Variants in CCDC190 observed in about 807,000 individuals in gnomAD.
CCDC190 encodes coiled-coil domain-containing protein 190.
CCDC190 carries 10 observed loss-of-function variants against 13.1 expected under a neutral mutation model. The ratio of observed to expected loss-of-function variants is 0.77; its 90% confidence interval spans 0.47 to 1.30. CCDC190 has a LOEUF of 1.30. Ranked by LOEUF, CCDC190 falls within the 50% of genes most tolerant of loss-of-function variation. The pLI, the probability that CCDC190 is intolerant of heterozygous loss-of-function variation, is 0.00. For missense variants in CCDC190, 375 were observed against 354.3 expected (o/e 1.06, Z -0.47); for synonymous variants, 136 against 127.2 (o/e 1.07, Z -0.47).
chr1:162,854,380 T>G lies in CCDC190; in HGVS notation c.*385A>C, dbSNP rs1246702445. Reference sequence around the variant, plus strand: ...TTCCTATTCCTACCACTACTATATATCAAACTAAAACAGAGAGAATAGCTA... The same window carrying G: ...TTCCTATTCCTACCACTACTATATAGCAAACTAAAACAGAGAGAATAGCTA... On this transcript the variant is annotated 3_prime_UTR_variant, in exon 4 of 4. Coordinates refer to ENST00000367912, the MANE Select transcript of CCDC190 (RefSeq NM_001394065.1). The G allele has an allele frequency of 9.8e-7, 1 of 1,019,574 alleles. No individual in the cohort carries two copies. The highest frequency in any genetic ancestry group is 1.7e-5 in the African/African-American group (1 of 58,072). 63.2% of individuals were successfully genotyped at this position (1,019,574 alleles called of 1,614,324 possible). A position where few individuals can be genotyped will look rare whatever the true frequency, so the allele number is the denominator to read the frequency against.
upstream of CCDC190, among the ~76,000 whole-genome samples, chr1:162,865,383 C>A (rs187529888): frequency 3.9e-5 from 6 of 152,158 alleles, no homozygotes; most frequent in East Asian, 1.2e-3. Context: ...CACTATCAAC[C>A]AACTTGACCT....
At chr1:162,859,184 G>A (rs190281136) in intron 2 of CCDC190, among the ~76,000 whole-genome samples, 32 of 152,306 alleles carry the variant, frequency 2.1e-4, no homozygotes, top group East Asian at 9.6e-4. Context: ...AGTAGAAAAC[G>A]AAGGATTTAA....
chr1:162,855,183 T>G lies in CCDC190; in HGVS notation c.488A>C (p.Asn163Thr). The G allele has an allele frequency of 6.2e-7, 1 of 1,613,990 alleles. No homozygotes were observed. The highest frequency in any genetic ancestry group is 1.1e-5 in the South Asian group (1 of 91,082). The change falls in exon 4 of 4, where the codon AAT becomes ACT. Residue 163 changes from asparagine to threonine, a missense_variant. Coordinates refer to ENST00000367912, the MANE Select transcript of CCDC190 (RefSeq NM_001394065.1). Reference protein sequence around the residue: ...QPQAQEKDSVNPSKDVDPSKG... With the variant: ...QPQAQEKDSVTPSKDVDPSKG... Reference sequence around the variant, plus strand: ...GCTGGGGTCTACGTCCTTAGATGGATTCACAGAATCTTTCTCTTGGGCTTG... The same window carrying G: ...GCTGGGGTCTACGTCCTTAGATGGAGTCACAGAATCTTTCTCTTGGGCTTG...
rs976901171 is a variant in CCDC190, at chr1:162,855,346, G to A, written c.325C>T (p.Arg109Cys). ...QAKKMRALAT[R>C]MAQDTCKSKS... ...CTTTTGCATGTGTCTTGGGCCATAC[G>A]GGTTGCCAATGCTCTGAGAAAGGAC... Residue 109 changes from arginine to cysteine, a missense_variant, in exon 4 of 4, where the codon CGT becomes TGT. Arg to Cys is a radical substitution (Grantham distance 180, BLOSUM62 -3). Transcript: ENST00000367912. The A allele has an allele frequency of 6.2e-6, 10 of 1,603,080 alleles. No homozygotes were observed. The highest frequency in any genetic ancestry group is 3.4e-5 in the Admixed American group (2 of 58,046).
At chr1:162,862,891 C>G (rs1459668929), upstream of CCDC190, among the ~76,000 whole-genome samples, 2 of 151,856 alleles carry the variant, frequency 1.3e-5, no homozygotes, top group Admixed American at 1.3e-4. Flanking sequence ...CATCTCCAAA[C>G]TTCCTGGAGT....
At chr1:162,856,909 T>G (rs1481017887) in intron 2 of CCDC190, among the ~76,000 whole-genome samples, 1 of 152,150 alleles carries the variant, frequency 6.6e-6, no homozygotes, top group South Asian at 2.1e-4. Context: ...TTGAGGGATT[T>G]TGAGCTACTT....
chr1:162,854,624 G>T lies in CCDC190; in HGVS notation c.*141C>A, dbSNP rs1427799024. ...TTCATTCAAGAAATATTATATTCCC[G>T]GAAAATAATAGGGAGTTTAAAATAA... On this transcript the variant is annotated 3_prime_UTR_variant, in exon 4 of 4. Transcript: ENST00000367912. 7.2e-6 allele frequency: 10 copies of T among 1,386,956 alleles called. No individual in the cohort carries two copies. The highest frequency in any genetic ancestry group is 9.3e-6 in the Non-Finnish European group (10 of 1,071,308). 85.9% of individuals were successfully genotyped at this position (1,386,956 alleles called of 1,614,324 possible). A position where few individuals can be genotyped will look rare whatever the true frequency, so the allele number is the denominator to read the frequency against.
At chr1:162,861,354 C>T (rs183616543), upstream of CCDC190, among the ~76,000 whole-genome samples, 2 of 152,168 alleles carry the variant, frequency 1.3e-5, no homozygotes, top group Non-Finnish European at 2.9e-5. Context: ...TCGGCTGTGT[C>T]CATGGGAGCC....
At chr1:162,868,241 A>G (rs1029160608) in intron 1 of CCDC190, among the ~76,000 whole-genome samples, 3 of 152,220 alleles carry the variant, frequency 2.0e-5, no homozygotes, top group African/African-American at 7.2e-5. Context: ...TGAAGGGCAA[A>G]GAAAGTGGTA....
At position 162,859,539 on chromosome 1, in the gene CCDC190, C is replaced by T; in HGVS notation, c.108G>A (p.Lys36=). The change falls in exon 2 of 4, where the codon AAG becomes AAA. Residue 36 remains lysine, a synonymous_variant. Transcript: ENST00000367912. ...ARLDQRLQRL[K]VICLYHVKLL... is the part of the protein sequence containing the mutation. ...ATTTCACATGGTAGAGGCAAATAAC[C>T]TTTAGTCTCTGCAGTCTTTGGTCCA... is the stretch of plus-strand genomic sequence containing the variant. 1.2e-6 allele frequency: 2 copies of T among 1,613,874 alleles called. No individual in the cohort carries two copies. The highest frequency in any genetic ancestry group is 1.1e-5 in the South Asian group (1 of 91,054).
chr1:162,863,181 C>G (rs2684868), upstream of CCDC190, among the ~76,000 whole-genome samples: 1 of 152,006 alleles, frequency 6.6e-6, no homozygotes, highest in Non-Finnish European at 1.5e-5. Flanking sequence ...AATGCACATC[C>G]GTGTAGTTTT....
intron 3 of CCDC190, 31 bp downstream of exon 3, chr1:162,855,601 A>C (rs746798567): frequency 6.2e-7 from 1 of 1,609,714 alleles, no homozygotes; most frequent in South Asian, 1.1e-5. Context: ...ACTTAATGTC[A>C]TACCCATGGG....
intron 1 of CCDC190, among the ~76,000 whole-genome samples, chr1:162,859,877 G>C (rs561503967): frequency 6.6e-6 from 1 of 151,246 alleles, no homozygotes; most frequent in Admixed American, 6.6e-5. Context: ...CAATAAAATA[G>C]TGATACAATA....
Position 162,855,330 on chromosome 1 carries a change from G to A in CCDC190, c.341C>T (p.Thr114Ile), listed in dbSNP as rs1172264943. The A allele has an allele frequency of 6.2e-7, 1 of 1,611,724 alleles. No homozygotes were observed. Among genetic ancestry groups the A allele is most frequent in the Admixed American group, 1.7e-5 (1 of 59,972 alleles). ...AGGCACCTGGGACTTGCTTTTGCAT[G>A]TGTCTTGGGCCATACGGGTTGCCAA... ...RALATRMAQD[T>I]CKSKSQVPPS... The change falls in exon 4 of 4, where the codon ACA becomes ATA. Residue 114 changes from threonine to isoleucine, a missense_variant. Thr to Ile is a moderately conservative substitution (Grantham distance 89). Coordinates refer to ENST00000367912, the MANE Select transcript of CCDC190 (RefSeq NM_001394065.1).
At chr1:162,864,732 A>C (rs779194962), upstream of CCDC190, among the ~76,000 whole-genome samples, 27 of 152,174 alleles carry the variant, frequency 1.8e-4, no homozygotes, top group Non-Finnish European at 3.4e-4. Flanking sequence ...CAACCACTAA[A>C]ATAATATAAC....
Position 162,854,926 on chromosome 1 carries a change from G to A in CCDC190, c.745C>T (p.Leu249Phe). Residue 249 changes from leucine to phenylalanine, a missense_variant, in exon 4 of 4, where the codon CTT (leucine) becomes TTT (phenylalanine). Coordinates refer to ENST00000367912, the MANE Select transcript of CCDC190 (RefSeq NM_001394065.1). ...TAATGGGCATTTCTGGCCTTTGAAA[G>A]CAACTCTAAGAAGGTTGGCTTTGTG... ...EFTKPTFLEL[L>F]SKARNAHYLR... 6.2e-7 allele frequency: 1 copy of A among 1,614,022 alleles called. No homozygotes were observed. Among genetic ancestry groups the A allele is most frequent in the Non-Finnish European group, 8.5e-7 (1 of 1,179,884 alleles).
At position 162,860,995 on chromosome 1, in the gene CCDC190, C is replaced by A; in HGVS notation, c.-13+13G>T. 1 of 982,358 alleles carries A rather than the reference C, an allele frequency of 1.0e-6. No homozygotes were observed. The highest frequency in any genetic ancestry group is 4.7e-5 in the South Asian group (1 of 21,228). 60.9% of individuals were successfully genotyped at this position (982,358 alleles called of 1,614,324 possible). Reference sequence around the variant, plus strand: ...CTAAACTTTTATTAAAGAACAGGGCCAGTAGAACTTACCTCCAAATCCAGA... The same window carrying A: ...CTAAACTTTTATTAAAGAACAGGGCAAGTAGAACTTACCTCCAAATCCAGA... On this transcript the variant is annotated intron_variant, in intron 1 of 3. Transcript: ENST00000367912.
In CCDC190 at chr1:162,859,546, C is replaced by T; in HGVS notation, c.101G>A (p.Arg34Lys). 1 of 1,613,926 alleles carries T rather than the reference C, an allele frequency of 6.2e-7. No homozygotes were observed. Among genetic ancestry groups the T allele is most frequent in the Non-Finnish European group, 8.5e-7 (1 of 1,179,842 alleles). ...AEARLDQRLQ[R>K]LKVICLYHVK... The stretch of plus-strand genomic sequence containing the variant: ...ATGGTAGAGGCAAATAACCTTTAGT[C>T]TCTGCAGTCTTTGGTCCAGTCTGGC... The change falls in exon 2 of 4, where the codon AGA becomes AAA. Residue 34 changes from arginine (R) to lysine (K), a missense_variant. Physicochemically the swap from Arg to Lys is conservative, Grantham distance 26 (BLOSUM62 2). Transcript: ENST00000367912.
intron 2 of CCDC190, 99 bp from the exon 3 acceptor site, chr1:162,855,854 T>C: frequency 9.4e-7 from 1 of 1,069,430 alleles, no homozygotes; most frequent in Non-Finnish European, 1.3e-6. Context: ...GGGACCTTAT[T>C]TGGAGATAAG....
Sources: gnomAD v4.1 joint callset for allele counts (sites outside exome capture counted in the v4.1 genomes callset) on GRCh38, gnomAD v4.1.1 for gene constraint, MANE v1.5 for transcripts, NCBI Gene and HGNC (gene_info 2026-07-23, HGNC 2026-07-21) for gene names.